Variants in NTM observed in about 807,000 individuals in gnomAD.
NTM encodes the protein IgLON family member 2.
A neutral mutation model predicts 42.1 loss-of-function variants in NTM; 13 were observed. The observed-to-expected ratio is 0.31, with a 90% CI of 0.20 to 0.49. NTM has a LOEUF of 0.49. Among genes scored for constraint, NTM ranks in the 20% least tolerant of loss-of-function variants. The pLI is 0.99. For synonymous variants in NTM, 187 were observed against 179.2 expected, an observed-to-expected ratio of 1.04 and a Z score of -0.35; for missense variants, 373 against 452.8, an observed-to-expected ratio of 0.82 and a Z score of 1.60.
intron 1 of NTM, among the ~76,000 whole-genome samples, chr11:131,568,799 C>T (rs578052804): frequency 2.6e-5 from 4 of 152,310 alleles, no homozygotes; most frequent in South Asian, 2.1e-4. Flanking sequence ...TATGAGGGGG[C>T]CTTAGTAATG....
chr11:132,167,797 G>T (rs536038070), intron 3 of NTM, among the ~76,000 whole-genome samples: 73 of 152,316 alleles, frequency 4.8e-4, no homozygotes, highest in Middle Eastern at 6.8e-3. Context: ...GGTAGAGGTT[G>T]TTAGATGTCT....
chr11:131,500,532 A>C (rs2046608128), intron 1 of NTM, among the ~76,000 whole-genome samples: 1 of 140,984 alleles, frequency 7.1e-6, no homozygotes, highest in Non-Finnish European at 1.5e-5. Flanking sequence ...CAGACCCTAT[A>C]GTTATTTATT....
At chr11:132,319,066 G>A (rs899190019) in intron 7 of NTM, among the ~76,000 whole-genome samples, 22 of 152,192 alleles carry the variant, frequency 1.4e-4, no homozygotes, top group Admixed American at 5.9e-4. Flanking sequence ...TTCAACTTAC[G>A]TTTATTGAAC....
chr11:131,781,052 T>C (rs1295980605), intron 1 of NTM, among the ~76,000 whole-genome samples: 2 of 151,994 alleles, frequency 1.3e-5, no homozygotes, highest in Non-Finnish European at 2.9e-5. Flanking sequence ...TACATAATTT[T>C]CATAAAGGCA....
At position 132,307,842 on chromosome 11, in the gene NTM, A is replaced by G. The variant is rs1179742915; in HGVS notation, c.661+19A>G. On this transcript the variant is annotated intron_variant, in intron 5 of 8. Transcript: ENST00000683400. Reference sequence around the variant, plus strand: ...GTGAACTGTAAGTGTTCTCACCACCACGCGCCCTGCACGTGCATCAGGCTG... The same window carrying G: ...GTGAACTGTAAGTGTTCTCACCACCGCGCGCCCTGCACGTGCATCAGGCTG... The G allele has an allele frequency of 6.2e-6, 10 of 1,612,768 alleles. No individual in the cohort carries two copies. The highest frequency in any genetic ancestry group is 2.2e-5 in the South Asian group (2 of 90,998).
chr11:131,953,383 A>G (rs1205351103), intron 2 of NTM, among the ~76,000 whole-genome samples: 1 of 152,176 alleles, frequency 6.6e-6, no homozygotes. Flanking sequence ...GCAGACTCCA[A>G]GTTTGTGTGA....
chr11:131,569,846 T>C (rs1219639722), intron 1 of NTM, among the ~76,000 whole-genome samples: 1 of 152,152 alleles, frequency 6.6e-6, no homozygotes, highest in East Asian at 1.9e-4. Context: ...TTCCCAAAGC[T>C]CTGGGATAAT....
chr11:132,271,220 G>C (rs1039682851), intron 4 of NTM, among the ~76,000 whole-genome samples: 1 of 152,116 alleles, frequency 6.6e-6, no homozygotes, highest in Admixed American at 6.5e-5. Flanking sequence ...CCATATTGTA[G>C]AGTCTATCAG....
chr11:131,630,256 A>C (rs1230639835), intron 1 of NTM, among the ~76,000 whole-genome samples: 1 of 152,172 alleles, frequency 6.6e-6, no homozygotes, highest in East Asian at 1.9e-4. Flanking sequence ...GGAGAAATCC[A>C]TTACATTTAA....
intron 1 of NTM, among the ~76,000 whole-genome samples, chr11:131,433,914 A>C (rs904919468): frequency 6.6e-6 from 1 of 152,196 alleles, no homozygotes; most frequent in African/African-American, 2.4e-5. Context: ...CGTCATTTAC[A>C]TTAGGTATTT....
At chr11:132,089,079 C>A (rs1280273252) in intron 2 of NTM, among the ~76,000 whole-genome samples, 1 of 152,156 alleles carries the variant, frequency 6.6e-6, no homozygotes, top group Non-Finnish European at 1.5e-5. Flanking sequence ...TCTGGTGAAG[C>A]TTTCCCAGGT....
chr11:131,915,806 C>G (rs957513200), intron 2 of NTM, among the ~76,000 whole-genome samples: 2 of 152,178 alleles, frequency 1.3e-5, no homozygotes, highest in African/African-American at 4.8e-5. Flanking sequence ...TCATCAGATC[C>G]TGTGAGACTG....
intron 1 of NTM, among the ~76,000 whole-genome samples, chr11:131,815,090 G>C (rs1482703363): frequency 6.6e-6 from 1 of 152,162 alleles, no homozygotes; most frequent in South Asian, 2.1e-4. Context: ...AGAAATACTC[G>C]TGTGGCTTCT....
chr11:131,375,285 C>A (rs746606907), intron 1 of NTM, among the ~76,000 whole-genome samples: 1 of 152,210 alleles, frequency 6.6e-6, no homozygotes, highest in East Asian at 1.9e-4. Flanking sequence ...ACATGTGGTG[C>A]TAAGTGGAAC....
chr11:132,125,656 GGT>G (rs1014537809), intron 2 of NTM, among the ~76,000 whole-genome samples: 14 of 1,444 alleles, frequency 9.7e-3, no homozygotes, highest in African/African-American at 0.064. Flanking sequence ...TGTGGTATGT[GGT>G]GTGTGTGTCA....
Position 131,866,056 on chromosome 11 carries a change from TAC to T in NTM, c.83-45499_83-45498del, listed in dbSNP as rs1236801272. On this transcript the variant is annotated intron_variant, in intron 1 of 8. Coordinates refer to ENST00000683400, the MANE Select transcript of NTM (RefSeq NM_001352005.2). ...ACATACACACATGCTACACACACAC[TAC>T]ACACACACCCCACACACTCTCACAC... 1.2e-4 allele frequency among the ~76,000 whole-genome samples: 17 copies of T among 137,412 alleles called. 1 individual carries two copies. Among genetic ancestry groups the T allele is most frequent in the Admixed American group, 5.7e-4 (8 of 14,136 alleles). 90.1% of individuals were successfully genotyped at this position (137,412 alleles called of 152,430 possible). A position where few individuals can be genotyped will look rare whatever the true frequency, so the allele number is the denominator to read the frequency against.
intron 2 of NTM, among the ~76,000 whole-genome samples, chr11:132,075,228 A>G (rs114840934): frequency 2.2e-3 from 338 of 152,312 alleles, no homozygotes; most frequent in African/African-American, 7.6e-3. Context: ...CAAGATGTGT[A>G]AGTTCTGGAA....
chr11:131,823,696 C>T (rs995060485), intron 1 of NTM, among the ~76,000 whole-genome samples: 3 of 152,118 alleles, frequency 2.0e-5, no homozygotes, highest in African/African-American at 4.8e-5. Flanking sequence ...GATAGTTATA[C>T]GTCTTCTAAT....
intron 1 of NTM, among the ~76,000 whole-genome samples, chr11:131,906,265 T>A (rs2053839486): frequency 6.6e-6 from 1 of 152,122 alleles, no homozygotes; most frequent in Non-Finnish European, 1.5e-5. Context: ...CCACAGATGA[T>A]GCAGCAGCAG....
Sources: allele counts gnomAD v4.1 joint callset (sites outside exome capture counted in the v4.1 genomes callset), GRCh38; gene constraint gnomAD v4.1.1; transcripts MANE v1.5; gene names NCBI Gene and HGNC (gene_info 2026-07-23, HGNC 2026-07-21).